Variants in BANK1 observed in about 807,000 individuals in gnomAD.
BANK1 encodes the protein B-cell scaffold protein with ankyrin repeats.
A neutral mutation model predicts 94.5 loss-of-function variants in BANK1; 95 were observed. The observed-to-expected ratio is 1.00, with a 90% CI of 0.85 to 1.19. BANK1 has a LOEUF of 1.19. BANK1 is among the 50% of genes most tolerant of loss of function. The pLI, the probability that BANK1 is intolerant of heterozygous loss-of-function variation, is 0.00. For synonymous variants in BANK1, 334 were observed against 308.4 expected (o/e 1.08, Z -0.87); for missense variants, 987 against 932.2 (o/e 1.06, Z -0.77).
intron 5 of BANK1, among the ~76,000 whole-genome samples, chr4:101,876,281 A>G (rs1728487059): frequency 6.6e-6 from 1 of 152,214 alleles, no homozygotes; most frequent in African/African-American, 2.4e-5. Flanking sequence ...AAGAGGGAAG[A>G]CTTTCTATGC....
intron 7 of BANK1, among the ~76,000 whole-genome samples, chr4:101,969,266 G>T (rs904405881): frequency 6.6e-6 from 1 of 151,968 alleles, no homozygotes; most frequent in Non-Finnish European, 1.5e-5. Flanking sequence ...ACTAGAAAGC[G>T]AAGTCATCTG....
In BANK1 at chr4:102,007,924, G is replaced by T. The variant is rs991135373; in HGVS notation, c.1207-13590G>T. On this transcript the variant is annotated intron_variant, in intron 7 of 16. Transcript: ENST00000322953. ...TATAACACTATTAGTCAAAGCTAGA[G>T]GATATGAAGTTCAAATATGCTTTTA... Among the ~76,000 whole-genome samples the T allele has an allele frequency of 7.2e-5, 11 of 152,182 alleles. No individual in the cohort carries two copies. The East Asian group carries it at 1.9e-3, about 27-fold the overall frequency.
chr4:101,955,380 G>A (rs1578419140), intron 7 of BANK1, among the ~76,000 whole-genome samples: 1 of 152,250 alleles, frequency 6.6e-6, no homozygotes, highest in East Asian at 1.9e-4. Context: ...TTGTCTCTCA[G>A]TGTTGCTGAC....
chr4:101,892,751 G>A (rs907269357), intron 5 of BANK1, among the ~76,000 whole-genome samples: 1 of 151,802 alleles, frequency 6.6e-6, no homozygotes, highest in Non-Finnish European at 1.5e-5. Context: ...TTCATCAAAT[G>A]TTCTTTGGGT....
chr4:101,903,492 G>A (rs138262831), intron 6 of BANK1, among the ~76,000 whole-genome samples: 119 of 152,300 alleles, frequency 7.8e-4, no homozygotes, highest in African/African-American at 2.7e-3. Context: ...ACTACGTCAT[G>A]TTCTTGGACA....
intron 12 of BANK1, among the ~76,000 whole-genome samples, chr4:102,060,853 A>G (rs376381314): frequency 1.3e-5 from 2 of 152,170 alleles, no homozygotes; most frequent in African/African-American, 2.4e-5. Flanking sequence ...ACACACATTT[A>G]CATATATATG....
At chr4:101,943,463 C>T (rs946290803) in intron 7 of BANK1, among the ~76,000 whole-genome samples, 2 of 151,680 alleles carry the variant, frequency 1.3e-5, no homozygotes, top group African/African-American at 2.4e-5. Flanking sequence ...AACAGGACAA[C>T]AGGTCATGGT....
At chr4:101,867,589 T>C (rs1728121732) in intron 4 of BANK1, among the ~76,000 whole-genome samples, 1 of 152,080 alleles carries the variant, frequency 6.6e-6, no homozygotes, top group East Asian at 1.9e-4. Flanking sequence ...GTTGGGTGAT[T>C]ACAGCATATG....
At position 102,071,258 on chromosome 4, in the gene BANK1, T is replaced by C; in HGVS notation, c.2213-17T>C. The C allele has an allele frequency of 6.3e-7, 1 of 1,594,860 alleles. No homozygotes were observed. ...TTGAACAAAACTCAGTAGAACATGC[T>C]TTTTTTTGTCTTCCAGATAAACTCA... is the stretch of plus-strand genomic sequence containing the variant. On this transcript the variant is annotated splice_polypyrimidine_tract_variant and intron_variant, in intron 13 of 16. Coordinates refer to ENST00000322953, the MANE Select transcript of BANK1 (RefSeq NM_017935.5).
chr4:102,071,389 T>C (rs1578493253), intron 14 of BANK1, 85 bp downstream of exon 14: 2 of 1,320,806 alleles, frequency 1.5e-6, no homozygotes, highest in East Asian at 4.6e-5. Flanking sequence ...AAACCTAATG[T>C]GATTAAGCAA....
chr4:101,922,507 T>C (rs1312255967), intron 7 of BANK1, among the ~76,000 whole-genome samples: 1 of 151,846 alleles, frequency 6.6e-6, no homozygotes, highest in Non-Finnish European at 1.5e-5. Context: ...ATTTTTCTCG[T>C]TGATGGTACA....
intron 3 of BANK1, 42 bp from the exon 4 acceptor site, chr4:101,862,484 A>C: frequency 6.5e-7 from 1 of 1,542,802 alleles, no homozygotes; most frequent in Non-Finnish European, 8.8e-7. Flanking sequence ...GTTAATGTAA[A>C]CTTTTCCAAA....
intron 7 of BANK1, among the ~76,000 whole-genome samples, chr4:101,993,337 T>C (rs1725772072): frequency 6.6e-6 from 1 of 152,188 alleles, no homozygotes; most frequent in Non-Finnish European, 1.5e-5. Context: ...AGTAGCTTTT[T>C]GGCAATTTAC....
At chr4:101,962,645 A>G (rs1724609053) in intron 7 of BANK1, among the ~76,000 whole-genome samples, 1 of 152,104 alleles carries the variant, frequency 6.6e-6, no homozygotes, top group Non-Finnish European at 1.5e-5. Context: ...TTGAATGGTT[A>G]CTTTTGAACT....
chr4:101,953,227 A>G (rs1384673020), intron 7 of BANK1, among the ~76,000 whole-genome samples: 1 of 152,214 alleles, frequency 6.6e-6, no homozygotes, highest in Non-Finnish European at 1.5e-5. Flanking sequence ...TTTAGCTGAC[A>G]GCAAAGATAG....
chr4:101,870,695 T>C (rs1409025778), intron 5 of BANK1, 51 bp downstream of exon 5: 18 of 1,565,392 alleles, frequency 1.1e-5, no homozygotes, highest in Non-Finnish European at 1.2e-5. Flanking sequence ...GAAGAGCTAA[T>C]GAAGGATAAG....
chr4:102,071,396 G>A, intron 14 of BANK1, 92 bp downstream of exon 14: 1 of 1,252,766 alleles, frequency 8.0e-7, no homozygotes, highest in Non-Finnish European at 1.2e-6. Context: ...ATGTGATTAA[G>A]CAAGTCAGTG....
chr4:101,875,867 C>T (rs1230830809), intron 5 of BANK1, among the ~76,000 whole-genome samples: 4 of 152,192 alleles, frequency 2.6e-5, no homozygotes, highest in Non-Finnish European at 5.9e-5. Flanking sequence ...TAGTGCTCAA[C>T]TGTGCCCAGT....
rs28783985 is a variant in BANK1, at chr4:101,905,085, G to A, written c.1009+9675G>A. 6.1e-3 allele frequency among the ~76,000 whole-genome samples: 924 copies of A among 152,282 alleles called. 10 individuals are homozygous for A. Among genetic ancestry groups the A allele is most frequent in the African/African-American group, 0.021 (853 of 41,542 alleles). On this transcript the variant is annotated intron_variant, in intron 6 of 16. Coordinates refer to ENST00000322953, the MANE Select transcript of BANK1 (RefSeq NM_017935.5). The stretch of plus-strand genomic sequence containing the variant: ...CACAAATGGCACAATCAGGAACTGT[G>A]CTATGTGTTCTCCTGGCTCTGCTTT...
Sources: gnomAD v4.1 joint callset for allele counts (sites outside exome capture counted in the v4.1 genomes callset) on GRCh38, gnomAD v4.1.1 for gene constraint, MANE v1.5 for transcripts, NCBI Gene and HGNC (gene_info 2026-07-23, HGNC 2026-07-21) for gene names.